Variants in IFT140 observed in about 807,000 individuals in gnomAD.
IFT140 encodes the protein intraflagellar transport protein 140 homolog.
In IFT140, 133 loss-of-function variants were observed where a neutral mutation model predicts 164.6. The ratio of observed to expected loss-of-function variants is 0.81; its 90% CI spans 0.70 to 0.93. The LOEUF (loss-of-function observed/expected upper bound fraction) is 0.93. Ranked by LOEUF, IFT140 falls within the 40% of genes least tolerant of loss-of-function variation. The probability of loss-of-function intolerance (pLI) is 0.00; values close to 1 mark genes in which losing one functional copy is unlikely to be tolerated. For missense variants in IFT140, 2,045 were observed against 1,972.3 expected, an observed-to-expected ratio of 1.04 and a Z score of -0.70; for synonymous variants, 860 against 817.3, an observed-to-expected ratio of 1.05 and a Z score of -0.89.
chr16:1,511,693 G>A (rs1290760811), intron 30 of IFT140, among the ~76,000 whole-genome samples: 1 of 152,104 alleles, frequency 6.6e-6, no homozygotes, highest in African/African-American at 2.4e-5. Context: ...CTCAGCTGGG[G>A]TGGGCGCTGG....
At chr16:1,607,392 C>T (rs1464234145) in intron 2 of IFT140, 95 bp from the exon 3 acceptor site, 4 of 1,128,160 alleles carry the variant, frequency 3.5e-6, no homozygotes, top group East Asian at 2.5e-5. Flanking sequence ...CATCCCAAAG[C>T]CACCATCGGA....
Position 1,610,862 on chromosome 16 carries a change from G to A in IFT140, c.-221-9C>T, listed in dbSNP as rs2036297845. 1 of 153,250 alleles carries A rather than the reference G, an allele frequency of 6.5e-6. No individual in the cohort carries two copies. The highest frequency in any genetic ancestry group is 2.1e-4 in the South Asian group (1 of 4,878). The allele number at this position is 153,250 out of a possible 1,614,324, so 9.5% of individuals were successfully genotyped here. On this transcript the variant is annotated splice_polypyrimidine_tract_variant and intron_variant, in intron 1 of 30. Transcript: ENST00000426508. Reference sequence around the variant, plus strand: ...GGCCAGGTTATTCCGCTCTGCAAGAGAGAAGCGGGACGAGCTTTTTCTAGG... The same window carrying A: ...GGCCAGGTTATTCCGCTCTGCAAGAAAGAAGCGGGACGAGCTTTTTCTAGG...
At position 1,589,749 on chromosome 16, in the gene IFT140, C is replaced by T. The variant is rs751391863; in HGVS notation, c.666G>A (p.Lys222=). The change falls in exon 7 of 31, where the codon AAG becomes AAA. Residue 222 remains lysine (K), a synonymous_variant. Coordinates refer to ENST00000426508, the MANE Select transcript of IFT140 (RefSeq NM_014714.4). ...GTVHYVDEKG[K]TTQVVSADST... ...TGTCTGCGGACACCACCTGAGTGGT[C>T]TTGCCCTTCTCATCCACATAGTGCA... 4.3e-6 allele frequency: 7 copies of T among 1,614,200 alleles called. No individual in the cohort carries two copies. In the South Asian group the frequency reaches 6.6e-5, roughly 15 times the overall value.
At chr16:1,557,625 C>G (rs113494020) in intron 19 of IFT140, 5 of 300,182 alleles carry the variant, frequency 1.7e-5, no homozygotes, top group African/African-American at 8.6e-5. Context: ...TTTACTTGTC[C>G]AAACTTCTGT....
chr16:1,586,147 T>C lies in IFT140; in HGVS notation c.1138A>G (p.Asn380Asp). 14 of 1,613,556 alleles carry C rather than the reference T, an allele frequency of 8.7e-6. No individual in the cohort carries two copies. Among genetic ancestry groups the C allele is most frequent in the Non-Finnish European group, 1.2e-5 (14 of 1,180,020 alleles). Reference sequence around the variant, plus strand: ...GGCTGTACCTGGATTTGCGTGATGTTTCCTTGGAGCTCGGTAGGGGTCTGA... The same window carrying C: ...GGCTGTACCTGGATTTGCGTGATGTCTCCTTGGAGCTCGGTAGGGGTCTGA... ...ALQTPTELQG[N>D]ITQIQWGSRK... The change falls in exon 10 of 31, where the codon AAC becomes GAC. Residue 380 changes from asparagine (N) to aspartate (D), a missense_variant. Transcript: ENST00000426508.
chr16:1,589,054 C>A (rs997773223), intron 7 of IFT140, among the ~76,000 whole-genome samples: 6 of 152,196 alleles, frequency 3.9e-5, no homozygotes, highest in African/African-American at 1.4e-4. Flanking sequence ...GTGGCCCAAG[C>A]TGGCCCCTGG....
chr16:1,544,351 T>C (rs958267255), intron 19 of IFT140, among the ~76,000 whole-genome samples: 1 of 137,552 alleles, frequency 7.3e-6, no homozygotes, highest in Non-Finnish European at 1.6e-5. Context: ...GCCCGGCTAA[T>C]TTTTTTTGTA....
intron 26 of IFT140, among the ~76,000 whole-genome samples, chr16:1,522,537 A>G (rs1488915968): frequency 1.3e-5 from 2 of 151,944 alleles, no homozygotes; most frequent in Non-Finnish European, 2.9e-5. Flanking sequence ...CTCCATTTCA[A>G]AAAACAAAAA....
intron 29 of IFT140, among the ~76,000 whole-genome samples, chr16:1,519,515 G>T (rs1396274230): frequency 6.6e-6 from 1 of 152,054 alleles, no homozygotes; most frequent in African/African-American, 2.4e-5. Context: ...TGGTCACCAT[G>T]GTCCCCCAAC....
At chr16:1,600,042 C>T (rs1047640372) in intron 4 of IFT140, among the ~76,000 whole-genome samples, 3 of 147,064 alleles carry the variant, frequency 2.0e-5, no homozygotes, top group Non-Finnish European at 4.5e-5. Flanking sequence ...ATTGAGAAAT[C>T]GGATGGTTGC....
rs1410736613 is a variant in IFT140, at chr16:1,602,437, G to A, written c.302C>T (p.Thr101Ile). 8 of 1,614,112 alleles carry A rather than the reference G, an allele frequency of 5.0e-6. No individual in the cohort carries two copies. Among genetic ancestry groups the A allele is most frequent in the Non-Finnish European group, 5.1e-6 (6 of 1,180,050 alleles). Residue 101 changes from threonine to isoleucine, a missense_variant, in exon 4 of 31, where the codon ACA (threonine) becomes ATA (isoleucine). Coordinates refer to ENST00000426508, the MANE Select transcript of IFT140 (RefSeq NM_014714.4). ...GAGCACGGTGATGTCGGCTGTGTGT[G>A]TCAGGGGCATCGTGTGCTGCTCCTT... The part of the protein sequence containing the change: ...QDKEQHTMPL[T>I]HTADITVLRW...
At chr16:1,576,711 A>G (rs2034298964) in intron 13 of IFT140, 1 of 152,180 alleles carries the variant, frequency 6.6e-6, no homozygotes, top group Admixed American at 6.6e-5. Context: ...GCGTATGCAT[A>G]AAATATAGGT....
chr16:1,598,762 AGGTGAG>A (rs2035594940), intron 4 of IFT140, among the ~76,000 whole-genome samples: 1 of 152,268 alleles, frequency 6.6e-6, no homozygotes, highest in Non-Finnish European at 1.5e-5. Flanking sequence ...AAATGTACAC[AGGTGAG>A]GGCAAGGAGC....
chr16:1,515,549 G>A (rs1202359730), intron 30 of IFT140, among the ~76,000 whole-genome samples: 3 of 152,056 alleles, frequency 2.0e-5, no homozygotes, highest in Admixed American at 6.6e-5. Flanking sequence ...CAAGACTGCA[G>A]GTGCATGCCA....
chr16:1,553,572 A>G lies in IFT140; in HGVS notation c.2399+4363T>C. ...GGGGCTGGAGAGTTTAATCTGGACC[A>G]GTGTAAGTTACAGAGAGTCTCTGGC... On this transcript the variant is annotated intron_variant, in intron 19 of 30. Coordinates refer to ENST00000426508, the MANE Select transcript of IFT140 (RefSeq NM_014714.4). The surrounding 1 kb of genome is among the most constrained non-coding windows in gnomAD (Gnocchi z 4.4). The G allele has an allele frequency of 9.9e-7, 1 of 1,011,878 alleles. No individual in the cohort carries two copies. Among genetic ancestry groups the G allele is most frequent in the Non-Finnish European group, 1.2e-6 (1 of 844,822 alleles). The allele number at this position is 1,011,878 out of a possible 1,614,324, so 62.7% of individuals were successfully genotyped here.
rs534098602 is a variant in IFT140, at chr16:1,578,620, G to A, written c.1524+2139C>T. ...GACATGGCCGGGCGTGGTGGCTCAC[G>A]CCTGTAATCCCAGCACTTTGGGAGG... On this transcript the variant is annotated intron_variant, in intron 13 of 30. Transcript: ENST00000426508. Among the ~76,000 whole-genome samples, 182 of 151,220 alleles carry A rather than the reference G, an allele frequency of 1.2e-3. 1 individual carries two copies. Among genetic ancestry groups the A allele is most frequent in the African/African-American group, 4.1e-3 (171 of 41,208 alleles).
chr16:1,539,855 G>A (rs2031461113), intron 19 of IFT140, among the ~76,000 whole-genome samples: 1 of 152,214 alleles, frequency 6.6e-6, no homozygotes, highest in South Asian at 2.1e-4. Context: ...CTCCTCAGCA[G>A]CCCGGGGACC....
intron 16 of IFT140, among the ~76,000 whole-genome samples, chr16:1,565,391 C>A (rs572308438): frequency 6.6e-6 from 1 of 151,744 alleles, no homozygotes; most frequent in African/African-American, 2.4e-5. Context: ...ATGAGGCCAC[C>A]AGGTGAAAGA....
Position 1,510,852 on chromosome 16 carries a change from C to G in IFT140, c.*92G>C. 8.4e-7 allele frequency: 1 copy of G among 1,184,248 alleles called. No individual in the cohort carries two copies. The highest frequency in any genetic ancestry group is 1.2e-6 in the Non-Finnish European group (1 of 820,614). 73.4% of individuals were successfully genotyped at this position (1,184,248 alleles called of 1,614,324 possible). On this transcript the variant is annotated 3_prime_UTR_variant, in exon 31 of 31. Transcript: ENST00000426508. The stretch of plus-strand genomic sequence containing the variant: ...GTATTCCAACACAGACATGTTTTTT[C>G]CCAGCAAAAATGCTGGCTTTGCCAC...
Sources: gnomAD v4.1 joint callset for allele counts (sites outside exome capture counted in the v4.1 genomes callset) on GRCh38, gnomAD v4.1.1 for gene constraint, Gnocchi (gnomAD v3.1) non-coding constraint, MANE v1.5 for transcripts, NCBI Gene and HGNC (gene_info 2026-07-23, HGNC 2026-07-21) for gene names.